The following BDH1 variants were observed in gnomAD, a reference collection of about 807,000 sequenced individuals.
BDH1 encodes 3-hydroxybutyrate dehydrogenase 1, also known as D-beta-hydroxybutyrate dehydrogenase, mitochondrial.
In BDH1, 30 loss-of-function variants were observed where a neutral mutation model predicts 33.1. That is an observed-to-expected ratio of 0.91 (90% CI 0.68 to 1.23). The LOEUF is 1.23. BDH1 is among the 50% of genes most tolerant of loss of function. The pLI is 0.00. For missense variants in BDH1, 443 were observed against 464.4 expected, an observed-to-expected ratio of 0.95 and a Z score of 0.42; for synonymous variants, 190 against 183.6, an observed-to-expected ratio of 1.03 and a Z score of -0.28.
At chr3:197,566,519 T>A (rs1022721576) in intron 1 of BDH1, among the ~76,000 whole-genome samples, 1 of 152,170 alleles carries the variant, frequency 6.6e-6, no homozygotes, top group Non-Finnish European at 1.5e-5. Flanking sequence ...TTATCTGAGA[T>A]TCCTTCTATG....
intron 5 of BDH1, among the ~76,000 whole-genome samples, chr3:197,524,897 C>T (rs1713938968): frequency 6.6e-6 from 1 of 152,110 alleles, no homozygotes; most frequent in African/African-American, 2.4e-5. Flanking sequence ...GAAAGGAAGC[C>T]TCCCCAGTGG....
chr3:197,555,972 C>G (rs1717001562), upstream of BDH1: 1 of 152,248 alleles, frequency 6.6e-6, no homozygotes, highest in African/African-American at 2.4e-5. Flanking sequence ...CTTCTACACG[C>G]GAAGCGCGCG....
In BDH1 at chr3:197,520,586, G is replaced by A. The variant is rs1713439102; in HGVS notation, c.409+2054C>T. 1.3e-5 allele frequency among the ~76,000 whole-genome samples: 2 copies of A among 152,178 alleles called. No homozygotes were observed. Among genetic ancestry groups the A allele is most frequent in the Non-Finnish European group, 2.9e-5 (2 of 68,032 alleles). On this transcript the variant is annotated intron_variant, in intron 6 of 7. Coordinates refer to ENST00000392379, the MANE Select transcript of BDH1 (RefSeq NM_203314.3). This position sits in a 1 kb window ranked among gnomAD's most constrained non-coding sequence, Gnocchi z 6.0. ...GCCAGCCTGAGCAAGCCGGCCTGGTGCGTTCTCTGCTTGGGTCTCCGGTGA... is the reference window on the plus strand; with the variant it reads ...GCCAGCCTGAGCAAGCCGGCCTGGTACGTTCTCTGCTTGGGTCTCCGGTGA...
rs1038722006 is a variant in BDH1 at position 197,526,453 on chromosome 3, C to T, written c.268-3672G>A. ...CCCTGAGAGAGCAGGTGCACAAAAG[C>T]CAGCTCTTCCTTCTTGGGGTGCTTC... On this transcript the variant is annotated intron_variant, in intron 5 of 7. Coordinates refer to ENST00000392379, the MANE Select transcript of BDH1 (RefSeq NM_203314.3). The surrounding 1 kb of genome is among the most constrained non-coding windows in gnomAD (Gnocchi z 4.7). 6.6e-6 allele frequency among the ~76,000 whole-genome samples: 1 copy of T among 152,216 alleles called. No individual in the cohort carries two copies. Among genetic ancestry groups the T allele is most frequent in the African/African-American group, 2.4e-5 (1 of 41,436 alleles).
In BDH1 at chr3:197,546,395, T is replaced by G; in HGVS notation, c.49A>C (p.Thr17Pro). 1 of 1,613,734 alleles carries G rather than the reference T, an allele frequency of 6.2e-7. No individual in the cohort carries two copies. Among genetic ancestry groups the G allele is most frequent in the Non-Finnish European group, 8.5e-7 (1 of 1,179,908 alleles). Residue 17 changes from threonine to proline, a missense_variant, in exon 3 of 8, where the codon ACC becomes CCC. Physicochemically the swap from Thr to Pro is conservative, Grantham distance 38. Transcript: ENST00000392379. Reference sequence around the variant, plus strand: ...TTTTCTCTATCACAGGCACTTAGGGTTTTTCCTGGGAGCCGTGACAGGGGT... The same window carrying G: ...TTTTCTCTATCACAGGCACTTAGGGGTTTTCCTGGGAGCCGTGACAGGGGT... ...SRPLSRLPGK[T>P]LSACDRENGA...
intron 2 of BDH1, among the ~76,000 whole-genome samples, chr3:197,547,380 C>T (rs933318620): frequency 6.6e-6 from 1 of 152,220 alleles, no homozygotes; most frequent in African/African-American, 2.4e-5. Context: ...AAGGTACTGC[C>T]TGGGAGGCTC....
rs774926789 is a variant in BDH1, at chr3:197,554,009, C to T, written c.-44+553G>A. Among the ~76,000 whole-genome samples, 4 of 152,206 alleles carry T rather than the reference C, an allele frequency of 2.6e-5. No individual in the cohort carries two copies. Among genetic ancestry groups the T allele is most frequent in the Non-Finnish European group, 4.4e-5 (3 of 68,032 alleles). ...CACAAGCTGAGCCCCCGAGTCCTCACCTGGCTCCTCCAAACCGTATCTCCA... is the reference window on the plus strand; with the variant it reads ...CACAAGCTGAGCCCCCGAGTCCTCATCTGGCTCCTCCAAACCGTATCTCCA... On this transcript the variant is annotated intron_variant, in intron 2 of 7. Transcript: ENST00000392379. This position sits in a 1 kb window ranked among gnomAD's most constrained non-coding sequence, Gnocchi z 4.4.
Position 197,521,093 on chromosome 3 carries a change from C to A in BDH1, c.409+1547G>T, listed in dbSNP as rs1713497190. Among the ~76,000 whole-genome samples the A allele has an allele frequency of 1.3e-5, 2 of 152,188 alleles. No individual in the cohort carries two copies. Among genetic ancestry groups the A allele is most frequent in the Non-Finnish European group, 2.9e-5 (2 of 68,024 alleles). ...CCGCATGGGATCTGGTCACTCCTGCCTTTTCCGCCTCCTTCCCCAGCCACT... is the reference window on the plus strand; with the variant it reads ...CCGCATGGGATCTGGTCACTCCTGCATTTTCCGCCTCCTTCCCCAGCCACT... On this transcript the variant is annotated intron_variant, in intron 6 of 7. Coordinates refer to ENST00000392379, the MANE Select transcript of BDH1 (RefSeq NM_203314.3). The surrounding 1 kb of genome is among the most constrained non-coding windows in gnomAD (Gnocchi z 4.9).
intron 5 of BDH1, among the ~76,000 whole-genome samples, chr3:197,524,355 C>T (rs1474012716): frequency 6.6e-6 from 1 of 152,194 alleles, no homozygotes; most frequent in Non-Finnish European, 1.5e-5. Flanking sequence ...GTGGAAAGCC[C>T]AGGACGGTCA....
intron 3 of BDH1, among the ~76,000 whole-genome samples, chr3:197,542,334 T>C (rs1264966969): frequency 1.3e-5 from 2 of 152,190 alleles, no homozygotes; most frequent in African/African-American, 4.8e-5. Flanking sequence ...CATGAGGCGT[T>C]AGGCCCAAAA....
At chr3:197,543,376 C>T (rs940877357) in intron 3 of BDH1, among the ~76,000 whole-genome samples, 3 of 152,220 alleles carry the variant, frequency 2.0e-5, no homozygotes, top group East Asian at 1.9e-4. Context: ...CCACTCTGCC[C>T]GGGTCAGGCC....
chr3:197,541,242 C>G (rs933365794), intron 3 of BDH1, among the ~76,000 whole-genome samples: 1 of 152,176 alleles, frequency 6.6e-6, no homozygotes. Flanking sequence ...CATTCTGATT[C>G]AGTAGGAAGG....
At chr3:197,548,872 A>T (rs1365362751) in intron 2 of BDH1, among the ~76,000 whole-genome samples, 1 of 152,060 alleles carries the variant, frequency 6.6e-6, no homozygotes, top group African/African-American at 2.4e-5. Context: ...TAACAAAAAA[A>T]AACAAAAAAA....
chr3:197,522,574 G>A lies in BDH1; in HGVS notation c.409+66C>T. On this transcript the variant is annotated intron_variant, in intron 6 of 7. Transcript: ENST00000392379. This position sits in a 1 kb window ranked among gnomAD's most constrained non-coding sequence, Gnocchi z 4.8. ...GCAGGATGCCAGCCAGTGGAAGGTG[G>A]TGTTCGGCAAGTGCCCCTTGGAATG... The A allele has an allele frequency of 1.9e-6, 3 of 1,594,180 alleles. No individual in the cohort carries two copies. The highest frequency in any genetic ancestry group is 8.6e-7 in the Non-Finnish European group (1 of 1,169,240).
upstream of BDH1, among the ~76,000 whole-genome samples, chr3:197,558,434 T>A (rs1717148383): frequency 6.6e-6 from 1 of 152,200 alleles, no homozygotes; most frequent in South Asian, 2.1e-4. Flanking sequence ...GCTCCTAAAA[T>A]GATAGCATTC....
In BDH1 at chr3:197,511,505, T is replaced by C. The variant is rs1200216326; in HGVS notation, c.*390A>G. 1 of 226,512 alleles carries C rather than the reference T, an allele frequency of 4.4e-6. No individual in the cohort carries two copies. Among genetic ancestry groups the C allele is most frequent in the Non-Finnish European group, 8.5e-6 (1 of 117,362 alleles). The allele number at this position is 226,512 out of a possible 1,614,324, so 14.0% of individuals were successfully genotyped here. ...AGCGATAAAAGGGTTATTTCATGCA[T>C]CCTCTTTAAGCTGCAAATGCTTCAT... On this transcript the variant is annotated 3_prime_UTR_variant, in exon 8 of 8. Transcript: ENST00000392379.
intron 3 of BDH1, among the ~76,000 whole-genome samples, chr3:197,539,775 G>A (rs1018570658): frequency 4.6e-5 from 7 of 152,080 alleles, no homozygotes; most frequent in Admixed American, 3.9e-4. Context: ...TTTCCTCTCC[G>A]GCCCAACCAA....
rs547449999 is a variant in BDH1 at position 197,520,446 on chromosome 3, C to T, written c.409+2194G>A. Among the ~76,000 whole-genome samples the T allele has an allele frequency of 5.3e-5, 8 of 152,304 alleles. No homozygotes were observed. In the South Asian group the frequency reaches 1.7e-3, roughly 32 times the overall value. ...ATCCCCGGGCAGGGGGTGAGTGCCT[C>T]CCCTCTGTGTGGGCCGGGGCCCACC... On this transcript the variant is annotated intron_variant, in intron 6 of 7. Coordinates refer to ENST00000392379, the MANE Select transcript of BDH1 (RefSeq NM_203314.3). This position sits in a 1 kb window ranked among gnomAD's most constrained non-coding sequence, Gnocchi z 6.0.
At chr3:197,556,659 C>T (rs1717061664), upstream of BDH1, among the ~76,000 whole-genome samples, 1 of 152,084 alleles carries the variant, frequency 6.6e-6, no homozygotes, top group Admixed American at 6.6e-5. Context: ...CAGAGTGCTC[C>T]GTCTCACAAA....
Sources: gnomAD v4.1 joint callset for allele counts (sites outside exome capture counted in the v4.1 genomes callset) on GRCh38, gnomAD v4.1.1 for gene constraint, Gnocchi (gnomAD v3.1) non-coding constraint, MANE v1.5 for transcripts, NCBI Gene and HGNC (gene_info 2026-07-23, HGNC 2026-07-21) for gene names.